RNFT2: variants seen among roughly 807,000 people sequenced by gnomAD.
RNFT2 encodes the protein ring finger protein, transmembrane 2, also known as E3 ubiquitin-protein ligase RNFT2.
RNFT2 carries 36 observed loss-of-function variants against 53.0 expected under a neutral mutation model. The observed-to-expected ratio is 0.68, with a 90% CI of 0.52 to 0.90. The LOEUF (loss-of-function observed/expected upper bound fraction) is 0.90. Among genes scored for constraint, RNFT2 ranks in the 40% least tolerant of loss-of-function variants. The probability of loss-of-function intolerance (pLI) is 0.00; values close to 1 mark genes in which losing one functional copy is unlikely to be tolerated. For missense variants in RNFT2, 514 were observed against 585.6 expected (o/e 0.88, Z 1.26); for synonymous variants, 260 against 253.2 (o/e 1.03, Z -0.26).
chr12:116,832,149 ATATAT>A (rs1428614725), intron 7 of RNFT2, among the ~76,000 whole-genome samples: 2 of 30,342 alleles, frequency 6.6e-5, no homozygotes, highest in African/African-American at 1.5e-4. Context: ...AAAAAAAAAA[ATATAT>A]ATATATATAT....
intron 7 of RNFT2, among the ~76,000 whole-genome samples, chr12:116,783,100 C>T: frequency 6.6e-6 from 1 of 152,160 alleles, no homozygotes; most frequent in Non-Finnish European, 1.5e-5. Context: ...ATCTTTCCTC[C>T]TCCTACTGCT....
chr12:116,813,754 C>T (rs1875501757), intron 7 of RNFT2, among the ~76,000 whole-genome samples: 2 of 152,212 alleles, frequency 1.3e-5, no homozygotes, highest in African/African-American at 2.4e-5. Context: ...TTTCTCCCTT[C>T]ACTATATTTT....
chr12:116,775,728 A>G (rs760424851), intron 6 of RNFT2, among the ~76,000 whole-genome samples: 5 of 152,146 alleles, frequency 3.3e-5, no homozygotes, highest in African/African-American at 7.2e-5. Context: ...ATCACAATTA[A>G]TATGATTCTT....
Position 116,849,351 on chromosome 12 carries a change from A to G in RNFT2, c.1238A>G (p.Asp413Gly). 1 of 1,544,770 alleles carries G rather than the reference A, an allele frequency of 6.5e-7. No homozygotes were observed. The highest frequency in any genetic ancestry group is 8.7e-7 in the Non-Finnish European group (1 of 1,148,128). ...GAGGAGTGCCTCTGCCTGTGGCTGG[A>G]CCGTGAGCGCACCTGCCCGCTCTGC... Reference protein sequence around the residue: ...FCEECLCLWLDRERTCPLCRS... With the variant: ...FCEECLCLWLGRERTCPLCRS... The change falls in exon 11 of 11, where the codon GAC (aspartate) becomes GGC (glycine). Residue 413 changes from aspartate to glycine, a missense_variant. Physicochemically the swap from Asp to Gly is moderately conservative, Grantham distance 94. This residue lies in a region of RNFT2 where 273 missense variants were observed against 334.4 expected (regional missense o/e 0.82). Coordinates refer to ENST00000257575, the MANE Select transcript of RNFT2 (RefSeq NM_001382266.1).
At chr12:116,806,381 A>AAAAATAT (rs1465646224) in intron 7 of RNFT2, among the ~76,000 whole-genome samples, 1 of 133,470 alleles carries the variant, frequency 7.5e-6, no homozygotes, top group African/African-American at 3.2e-5. Flanking sequence ...AAAAAAAAAA[A>AAAAATAT]ATATATATAT....
chr12:116,761,615 C>T (rs1224739430), intron 5 of RNFT2, among the ~76,000 whole-genome samples: 1 of 152,196 alleles, frequency 6.6e-6, no homozygotes, highest in African/African-American at 2.4e-5. Flanking sequence ...GCAGGTTCAT[C>T]CCAGCAACCT....
At chr12:116,848,820 T>A (rs1212339620) in intron 10 of RNFT2, among the ~76,000 whole-genome samples, 2 of 151,856 alleles carry the variant, frequency 1.3e-5, no homozygotes, top group Admixed American at 6.6e-5. Context: ...GTTTGTTTGT[T>A]TTTTGTTTTT....
At chr12:116,821,403 G>A (rs190451939) in intron 7 of RNFT2, among the ~76,000 whole-genome samples, 172 of 152,340 alleles carry the variant, frequency 1.1e-3, no homozygotes, top group African/African-American at 4.0e-3. Flanking sequence ...CATTAGCCCA[G>A]CCCTTCAAGC....
chr12:116,771,486 A>ATATAG (rs1198593135), intron 6 of RNFT2, among the ~76,000 whole-genome samples: 1 of 101,040 alleles, frequency 9.9e-6, no homozygotes, highest in East Asian at 2.9e-4. Context: ...AAAAAAAAAA[A>ATATAG]AAAAAAAAAT....
intron 7 of RNFT2, among the ~76,000 whole-genome samples, chr12:116,816,511 G>A (rs1875686884): frequency 1.3e-5 from 2 of 152,216 alleles, no homozygotes; most frequent in South Asian, 4.1e-4. Context: ...AATTGGGGGT[G>A]AGAGGGAGAA....
chr12:116,797,913 C>T, intron 7 of RNFT2, among the ~76,000 whole-genome samples: 1 of 152,168 alleles, frequency 6.6e-6, no homozygotes, highest in South Asian at 2.1e-4. Context: ...GCGGTGGTAA[C>T]TCCTGGGTTT....
At chr12:116,799,887 T>G (rs1459625579) in intron 7 of RNFT2, among the ~76,000 whole-genome samples, 1 of 152,222 alleles carries the variant, frequency 6.6e-6, no homozygotes, top group African/African-American at 2.4e-5. Flanking sequence ...AAAAAGTGAT[T>G]CCCCATTGTT....
chr12:116,830,942 T>C (rs1876613782), intron 7 of RNFT2, among the ~76,000 whole-genome samples: 1 of 151,688 alleles, frequency 6.6e-6, no homozygotes, highest in South Asian at 2.1e-4. Context: ...AAAGAGAGTA[T>C]AGGATTGAAA....
intron 7 of RNFT2, among the ~76,000 whole-genome samples, chr12:116,788,655 T>G (rs571793570): frequency 9.9e-5 from 15 of 152,258 alleles, no homozygotes; most frequent in African/African-American, 3.4e-4. Context: ...GCATCCAGTT[T>G]GTTTGTTGAT....
Position 116,806,397 on chromosome 12 carries a change from T to TATATAG in RNFT2, c.882+27052_882+27053insTAGATA, listed in dbSNP as rs1166246066. Among the ~76,000 whole-genome samples the TATATAG allele has an allele frequency of 7.8e-3, 1,025 of 131,588 alleles. 6 individuals are homozygous for TATATAG. The highest frequency in any genetic ancestry group is 0.012 in the Non-Finnish European group (755 of 64,492). 86.3% of individuals were successfully genotyped at this position (131,588 alleles called of 152,430 possible). ...AAAAAAAAAAATATATATATATATA[T>TATATAG]ATAGATAGATAGATAGATAGATAGA... On this transcript the variant is annotated intron_variant, in intron 7 of 10. Transcript: ENST00000257575.
At chr12:116,787,074 T>G (rs181011078) in intron 7 of RNFT2, among the ~76,000 whole-genome samples, 3 of 152,360 alleles carry the variant, frequency 2.0e-5, no homozygotes, top group Non-Finnish European at 2.9e-5. Context: ...GATTATTTTC[T>G]AAATAATGTC....
chr12:116,812,800 C>T (rs1875453749), intron 7 of RNFT2, among the ~76,000 whole-genome samples: 1 of 152,114 alleles, frequency 6.6e-6, no homozygotes, highest in Admixed American at 6.5e-5. Context: ...TCCCAAAGTG[C>T]TGGGATTACA....
At chr12:116,782,302 T>G (rs1873751261) in intron 7 of RNFT2, 1 of 151,918 alleles carries the variant, frequency 6.6e-6, no homozygotes, top group Non-Finnish European at 1.5e-5. Flanking sequence ...GAAGATTGCT[T>G]GAGGCCAGGA....
At chr12:116,820,642 A>G (rs570981994) in intron 7 of RNFT2, among the ~76,000 whole-genome samples, 2 of 151,778 alleles carry the variant, frequency 1.3e-5, no homozygotes, top group Admixed American at 6.6e-5. Flanking sequence ...ATCTTACTTT[A>G]TCTCCTAAGG....
Sources: gnomAD v4.1 joint callset for allele counts (sites outside exome capture counted in the v4.1 genomes callset) on GRCh38, gnomAD v4.1.1 for gene constraint, gnomAD v4.1.1 regional missense constraint, MANE v1.5 for transcripts, NCBI Gene and HGNC (gene_info 2026-07-23, HGNC 2026-07-21) for gene names.